The following MAN1A2 variants were observed in gnomAD, a reference collection of about 807,000 sequenced individuals.
MAN1A2 encodes the protein mannosidase alpha class 1A member 2.
Under a neutral mutation model 75.7 loss-of-function variants are expected in MAN1A2, and 26 were observed. That is an observed-to-expected ratio of 0.34 (90% CI 0.25 to 0.48). The LOEUF (loss-of-function observed/expected upper bound fraction) is 0.48, where lower values mean the gene tolerates loss of function less well. Among genes scored for constraint, MAN1A2 ranks in the 20% least tolerant of loss-of-function variants. The probability of loss-of-function intolerance (pLI) is 0.99; values close to 1 mark genes in which losing one functional copy is unlikely to be tolerated. For synonymous variants in MAN1A2, 247 were observed against 264.6 expected (o/e 0.93, Z 0.65); for missense variants, 562 against 775.5 (o/e 0.72, Z 3.27).
At chr1:117,493,085 C>G (rs572711514) in intron 8 of MAN1A2, 62 bp from the exon 9 acceptor site, 1 of 876,592 alleles carries the variant, frequency 1.1e-6, no homozygotes, top group Non-Finnish European at 1.9e-6. Flanking sequence ...GAAAATGTTA[C>G]TTTATTTGTC....
chr1:117,468,120 T>A (rs1650035919), intron 8 of MAN1A2, among the ~76,000 whole-genome samples: 1 of 152,096 alleles, frequency 6.6e-6, no homozygotes, highest in South Asian at 2.1e-4. Context: ...TGACTCACAG[T>A]TCCACAGGGC....
intron 1 of MAN1A2, 42 bp downstream of exon 1, chr1:117,368,527 G>C (rs1325015875): frequency 1.3e-6 from 2 of 1,512,608 alleles, no homozygotes; most frequent in Non-Finnish European, 1.8e-6. Flanking sequence ...ATTTGGCAGA[G>C]CAAGGTACGG....
intron 5 of MAN1A2, among the ~76,000 whole-genome samples, chr1:117,431,953 A>G (rs928606351): frequency 2.0e-5 from 3 of 152,202 alleles, no homozygotes; most frequent in Admixed American, 6.5e-5. Flanking sequence ...CTGTCTCTCA[A>G]AAACAAAAAA....
chr1:117,386,606 G>A (rs1451068431), intron 1 of MAN1A2, among the ~76,000 whole-genome samples: 1 of 151,280 alleles, frequency 6.6e-6, no homozygotes, highest in Non-Finnish European at 1.5e-5. Flanking sequence ...CTCTGGCTGA[G>A]GATTATTTCT....
At chr1:117,510,504 T>C (rs41506254) in intron 12 of MAN1A2, among the ~76,000 whole-genome samples, 32,889 of 151,924 alleles carry the variant, frequency 0.22, 4,647 homozygotes, top group East Asian at 0.42. Flanking sequence ...AGAACACAGA[T>C]GAAAAGTCAA....
chr1:117,518,517 AAAG>A (rs1285616901), intron 12 of MAN1A2, among the ~76,000 whole-genome samples: 3 of 152,032 alleles, frequency 2.0e-5, no homozygotes, highest in Non-Finnish European at 4.4e-5. Context: ...AAAAAACAGT[AAAG>A]AAGAAAAAGT....
intron 6 of MAN1A2, among the ~76,000 whole-genome samples, chr1:117,446,956 TA>T (rs1649253858): frequency 6.6e-6 from 1 of 152,148 alleles, no homozygotes; most frequent in Non-Finnish European, 1.5e-5. Flanking sequence ...GCTTTACTCT[TA>T]AGTACTTACA....
chr1:117,525,217 A>T lies in MAN1A2; in HGVS notation c.*2260A>T. On this transcript the variant is annotated 3_prime_UTR_variant, in exon 13 of 13. Transcript: ENST00000356554. ...GAGCCAGTTCTGGTACAAACAAAGA[A>T]TTTGACAGGGACAATGGAAGGGTCT... 1 of 480,852 alleles carries T rather than the reference A, an allele frequency of 2.1e-6. No individual in the cohort carries two copies. Among genetic ancestry groups the T allele is most frequent in the South Asian group, 1.5e-5 (1 of 64,640 alleles). The allele number at this position is 480,852 out of a possible 1,614,324, so 29.8% of individuals were successfully genotyped here.
intron 5 of MAN1A2, among the ~76,000 whole-genome samples, chr1:117,421,220 A>C (rs951443287): frequency 1.3e-4 from 20 of 152,072 alleles, no homozygotes; most frequent in Non-Finnish European, 2.1e-4. Context: ...GAGTGGGAGA[A>C]AGAGAAACTA....
intron 5 of MAN1A2, among the ~76,000 whole-genome samples, chr1:117,429,584 ACCC>A (rs1437242669): frequency 1.7e-5 from 1 of 60,120 alleles, no homozygotes; most frequent in South Asian, 6.4e-4. Flanking sequence ...CGGGGGGCTG[ACCC>A]CCCCACCTCC....
In MAN1A2 at chr1:117,526,697, C is replaced by T. The variant is rs1052427371; in HGVS notation, c.*3740C>T. On this transcript the variant is annotated 3_prime_UTR_variant, in exon 13 of 13. Coordinates refer to ENST00000356554, the MANE Select transcript of MAN1A2 (RefSeq NM_006699.5). ...TAAATTGTGTCTGCTCTGGTATGGGCCCTATTAATAGTCCCATGCTGTTAA... is the reference window on the plus strand; with the variant it reads ...TAAATTGTGTCTGCTCTGGTATGGGTCCTATTAATAGTCCCATGCTGTTAA... 1.3e-5 allele frequency: 2 copies of T among 150,746 alleles called. No individual in the cohort carries two copies. Among genetic ancestry groups the T allele is most frequent in the African/African-American group, 4.9e-5 (2 of 41,148 alleles). 9.3% of individuals were successfully genotyped at this position (150,746 alleles called of 1,614,324 possible).
At chr1:117,484,444 A>G (rs1032625723) in intron 8 of MAN1A2, among the ~76,000 whole-genome samples, 1 of 151,986 alleles carries the variant, frequency 6.6e-6, no homozygotes, top group East Asian at 1.9e-4. Context: ...GTGGCACTTC[A>G]TATGGGTCCC....
In MAN1A2 at chr1:117,525,391, A is replaced by C; in HGVS notation, c.*2434A>C. On this transcript the variant is annotated 3_prime_UTR_variant, in exon 13 of 13. Transcript: ENST00000356554. The stretch of plus-strand genomic sequence containing the variant: ...TGTTTTATTTTTGTTATAGATTTTT[A>C]AATTATTTCCTTCAAGATCAATTCT... 4.2e-6 allele frequency: 1 copy of C among 239,282 alleles called. No individual in the cohort carries two copies. The highest frequency in any genetic ancestry group is 5.6e-5 in the South Asian group (1 of 17,744). 14.8% of individuals were successfully genotyped at this position (239,282 alleles called of 1,614,324 possible). A position where few individuals can be genotyped will look rare whatever the true frequency, so the allele number is the denominator to read the frequency against.
chr1:117,404,338 G>A (rs10754344), intron 2 of MAN1A2, among the ~76,000 whole-genome samples: 18,877 of 152,020 alleles, frequency 0.12, 1,233 homozygotes, highest in Non-Finnish European at 0.14. Flanking sequence ...TATATAATTC[G>A]TCTGATATAT....
At chr1:117,413,266 T>C (rs879568882) in intron 3 of MAN1A2, among the ~76,000 whole-genome samples, 15 of 151,886 alleles carry the variant, frequency 9.9e-5, no homozygotes, top group Admixed American at 7.2e-4. Flanking sequence ...AGAAGATAGA[T>C]GTATTGATAA....
rs146959044 is a variant in MAN1A2, at chr1:117,397,887, C to T, written c.303-4299C>T. Among the ~76,000 whole-genome samples the T allele has an allele frequency of 4.4e-4, 67 of 151,836 alleles. No homozygotes were observed. In the East Asian group the frequency reaches 0.011, roughly 25 times the overall value. On this transcript the variant is annotated intron_variant, in intron 1 of 12. Coordinates refer to ENST00000356554, the MANE Select transcript of MAN1A2 (RefSeq NM_006699.5). ...GGCTGGTCTCGAACTCCTGACCTCA[C>T]GTGATCCACCCGCCTTAGCCTCCCA...
In MAN1A2 at chr1:117,450,599, G is replaced by A. The variant is rs529414863; in HGVS notation, c.950+8274G>A. Among the ~76,000 whole-genome samples, 14 of 152,294 alleles carry A rather than the reference G, an allele frequency of 9.2e-5. No individual in the cohort carries two copies. The East Asian group carries it at 2.5e-3, about 27-fold the overall frequency. Reference sequence around the variant, plus strand: ...GCAGCCCCTCCCATCACAGGCCCAAGGCCTAGGAGGAAAAAGTGGTTTCGT... The same window carrying A: ...GCAGCCCCTCCCATCACAGGCCCAAAGCCTAGGAGGAAAAAGTGGTTTCGT... On this transcript the variant is annotated intron_variant, in intron 6 of 12. Coordinates refer to ENST00000356554, the MANE Select transcript of MAN1A2 (RefSeq NM_006699.5).
chr1:117,490,721 A>G (rs1038036831), intron 8 of MAN1A2, among the ~76,000 whole-genome samples: 18 of 152,128 alleles, frequency 1.2e-4, no homozygotes, highest in African/African-American at 3.9e-4. Flanking sequence ...GCCAAAGGCT[A>G]AGCCTCTTGC....
chr1:117,469,059 A>T (rs1276034504), intron 8 of MAN1A2, among the ~76,000 whole-genome samples: 1 of 152,094 alleles, frequency 6.6e-6, no homozygotes, highest in Non-Finnish European at 1.5e-5. Flanking sequence ...TCAAAAGTAC[A>T]ACATTGATGA....
Sources: allele counts gnomAD v4.1 joint callset (sites outside exome capture counted in the v4.1 genomes callset), GRCh38; gene constraint gnomAD v4.1.1; transcripts MANE v1.5; gene names NCBI Gene and HGNC (gene_info 2026-07-23, HGNC 2026-07-21).